The following WDR7 variants were observed in gnomAD, a reference collection of about 807,000 sequenced individuals.
WDR7 encodes the protein WD repeat-containing protein 7.
A neutral mutation model predicts 169.4 loss-of-function variants in WDR7; 46 were observed. The observed-to-expected ratio is 0.27, with a 90% CI of 0.21 to 0.35. WDR7 has a LOEUF of 0.35. Ranked by LOEUF, WDR7 falls within the 10% of genes least tolerant of loss-of-function variation. The probability of loss-of-function intolerance (pLI) is 1.00; values close to 1 mark genes in which losing one functional copy is unlikely to be tolerated. For synonymous variants in WDR7, 612 were observed against 666.8 expected (o/e 0.92, Z 1.27); for missense variants, 1,534 against 1,859.3 (o/e 0.83, Z 3.22).
intron 20 of WDR7, among the ~76,000 whole-genome samples, chr18:56,864,392 C>A (rs1326489773): frequency 2.6e-5 from 4 of 151,528 alleles, no homozygotes; most frequent in African/African-American, 9.7e-5. Flanking sequence ...TAAATGAGAT[C>A]ATAAGTATCT....
chr18:56,935,954 T>C (rs1175012648), intron 23 of WDR7, 49 bp downstream of exon 23: 1 of 1,508,796 alleles, frequency 6.6e-7, no homozygotes, highest in Admixed American at 1.8e-5. Flanking sequence ...AGAGGAATTA[T>C]TTGATACTAT....
chr18:56,918,617 G>A (rs1428424708), intron 21 of WDR7, among the ~76,000 whole-genome samples: 11 of 151,936 alleles, frequency 7.2e-5, no homozygotes, highest in African/African-American at 1.5e-4. Flanking sequence ...AGACCATACC[G>A]CAGAATAAGC....
chr18:56,700,252 C>CTTTTTTTTTTTTTTTTTTTTTTT (rs1226348026), intron 12 of WDR7, among the ~76,000 whole-genome samples: 1 of 67,238 alleles, frequency 1.5e-5, no homozygotes, highest in Non-Finnish European at 2.5e-5. Context: ...TTTTCATTTT[C>CTTTTTTTTTTTTTTTTTTTTTTT]TTTTTTTTTT....
chr18:56,861,502 T>C (rs2045803965), intron 20 of WDR7, among the ~76,000 whole-genome samples: 1 of 152,222 alleles, frequency 6.6e-6, no homozygotes, highest in South Asian at 2.1e-4. Flanking sequence ...TTGTCAAGTC[T>C]TTTATCACAC....
At chr18:57,009,844 T>C (rs2048113646) in intron 26 of WDR7, 1 of 985,424 alleles carries the variant, frequency 1.0e-6, no homozygotes, top group African/African-American at 1.7e-5. Context: ...CCAGGCACTA[T>C]ACCAGGCAAA....
the WDR7 span, chr18:57,036,533 C>T: frequency 2.6e-5 from 4 of 152,542 alleles, no homozygotes; most frequent in South Asian, 8.3e-4. Context: ...CCAGCTCCCC[C>T]CTGCCTATGT....
chr18:56,923,653 G>A (rs749041858), intron 21 of WDR7, among the ~76,000 whole-genome samples: 8 of 152,290 alleles, frequency 5.3e-5, no homozygotes, highest in Non-Finnish European at 1.2e-4. Context: ...TAAGATCACT[G>A]ATATGTTTTG....
intron 21 of WDR7, among the ~76,000 whole-genome samples, chr18:56,900,371 T>C (rs771497837): frequency 8.6e-5 from 13 of 152,012 alleles, no homozygotes; most frequent in Non-Finnish European, 1.3e-4. Flanking sequence ...CATTCATTCT[T>C]GAAGGGAGAT....
chr18:56,837,477 C>T (rs2045413213), intron 20 of WDR7, among the ~76,000 whole-genome samples: 1 of 152,072 alleles, frequency 6.6e-6, no homozygotes, highest in Admixed American at 6.6e-5. Flanking sequence ...GTTTTATTAC[C>T]TCTAATTTTG....
chr18:56,820,722 GAGA>G (rs1393379459), intron 20 of WDR7, among the ~76,000 whole-genome samples: 1 of 152,064 alleles, frequency 6.6e-6, no homozygotes, highest in East Asian at 1.9e-4. Flanking sequence ...TTAAGTTTCT[GAGA>G]AGATGTCCTG....
At chr18:56,779,214 T>C (rs1251984896) in intron 17 of WDR7, among the ~76,000 whole-genome samples, 3 of 152,216 alleles carry the variant, frequency 2.0e-5, no homozygotes, top group Non-Finnish European at 4.4e-5. Context: ...TCTTTTAAGA[T>C]GTTGAGAATT....
At chr18:56,775,382 T>A (rs2044226165) in intron 16 of WDR7, among the ~76,000 whole-genome samples, 1 of 152,172 alleles carries the variant, frequency 6.6e-6, no homozygotes, top group Non-Finnish European at 1.5e-5. Flanking sequence ...GGAGGATGAA[T>A]AATTTATAAG....
chr18:56,720,032 G>A (rs1167976571), intron 13 of WDR7, among the ~76,000 whole-genome samples: 1 of 152,060 alleles, frequency 6.6e-6, no homozygotes, highest in Non-Finnish European at 1.5e-5. Flanking sequence ...TGCTTAACTT[G>A]TTACTTTGTT....
At chr18:56,990,131 G>T (rs1208983442) in intron 26 of WDR7, among the ~76,000 whole-genome samples, 1 of 152,186 alleles carries the variant, frequency 6.6e-6, no homozygotes, top group Admixed American at 6.5e-5. Context: ...TAAAAGCATA[G>T]AATTTGGAAT....
chr18:56,720,691 C>T (rs1374716694), intron 13 of WDR7, among the ~76,000 whole-genome samples: 1 of 152,018 alleles, frequency 6.6e-6, no homozygotes, highest in East Asian at 1.9e-4. Context: ...GACAAAGTTA[C>T]TGTTCTAGTG....
At chr18:56,900,549 A>G (rs756504618) in intron 21 of WDR7, among the ~76,000 whole-genome samples, 1 of 152,162 alleles carries the variant, frequency 6.6e-6, no homozygotes, top group Non-Finnish European at 1.5e-5. Context: ...ATCAGCTACT[A>G]CCTCGTCTAG....
At chr18:56,960,758 A>G (rs72930725) in intron 25 of WDR7, among the ~76,000 whole-genome samples, 325 of 152,204 alleles carry the variant, frequency 2.1e-3, no homozygotes, top group Non-Finnish European at 3.6e-3. Flanking sequence ...GCTGATTCCC[A>G]CTCTTTCTCT....
chr18:56,757,147 A>G lies in WDR7; in HGVS notation c.2554A>G (p.Asn852Asp). ...GHMSLMLPGY[N>D]QPACKLSHGK... The stretch of plus-strand genomic sequence containing the variant: ...TATGTCACTGATGCTGCCGGGTTAT[A>G]ATCAGCCTGCTTGTAAACTGTCACA... Residue 852 changes from asparagine (N) to aspartate (D), a missense_variant, in exon 15 of 28, where the codon AAT becomes GAT. Transcript: ENST00000254442. 1 of 1,614,116 alleles carries G rather than the reference A, an allele frequency of 6.2e-7. No homozygotes were observed. The highest frequency in any genetic ancestry group is 8.5e-7 in the Non-Finnish European group (1 of 1,180,018).
chr18:56,970,467 C>G lies in WDR7; in HGVS notation c.4164+7938C>G, dbSNP rs961770743. Among the ~76,000 whole-genome samples the G allele has an allele frequency of 2.0e-5, 3 of 152,106 alleles. No homozygotes were observed. The East Asian group carries it at 5.8e-4, about 29-fold the overall frequency. On this transcript the variant is annotated intron_variant, in intron 26 of 27. Coordinates refer to ENST00000254442, the MANE Select transcript of WDR7 (RefSeq NM_015285.3). ...AAAATAAATATTGCTTTTAACATTACTGCCATATTAGGCTCCTTCTGAGTC... is the reference window on the plus strand; with the variant it reads ...AAAATAAATATTGCTTTTAACATTAGTGCCATATTAGGCTCCTTCTGAGTC...
Sources: gnomAD v4.1 joint callset for allele counts (sites outside exome capture counted in the v4.1 genomes callset) on GRCh38, gnomAD v4.1.1 for gene constraint, MANE v1.5 for transcripts, NCBI Gene and HGNC (gene_info 2026-07-23, HGNC 2026-07-21) for gene names.